RAD51B: variants seen among roughly 807,000 people sequenced by gnomAD.
RAD51B encodes RAD51 paralog B, also known as DNA repair protein RAD51 homolog 2.
A neutral mutation model predicts 42.2 loss-of-function variants in RAD51B; 38 were observed. The ratio of observed to expected loss-of-function variants is 0.90; its 90% CI spans 0.70 to 1.18. The LOEUF (loss-of-function observed/expected upper bound fraction) is 1.18, where lower values mean the gene tolerates loss of function less well. Among genes scored for constraint, RAD51B ranks in the 50% most tolerant of loss-of-function variants. The pLI is 0.00. For synonymous variants in RAD51B, 154 were observed against 145.2 expected, an observed-to-expected ratio of 1.06 and a Z score of -0.43; for missense variants, 373 against 400.7, an observed-to-expected ratio of 0.93 and a Z score of 0.59.
At chr14:67,891,570 A>C (rs534221820) in intron 7 of RAD51B, among the ~76,000 whole-genome samples, 1 of 152,184 alleles carries the variant, frequency 6.6e-6, no homozygotes, top group East Asian at 1.9e-4. Context: ...AACAAGGTTA[A>C]ATTTTTTATT....
intron 10 of RAD51B, among the ~76,000 whole-genome samples, chr14:68,579,398 C>T (rs2140055683): frequency 6.6e-6 from 1 of 152,312 alleles, no homozygotes; most frequent in South Asian, 2.1e-4. Context: ...AGATCAAAGG[C>T]ATAGCAGCAG....
chr14:67,891,482 T>A (rs2043217368), intron 7 of RAD51B, among the ~76,000 whole-genome samples: 1 of 152,120 alleles, frequency 6.6e-6, no homozygotes, highest in Non-Finnish European at 1.5e-5. Flanking sequence ...ATGTGCATTT[T>A]AAATTTTGCT....
chr14:68,402,799 GTTTTT>G (rs760937567), intron 8 of RAD51B, among the ~76,000 whole-genome samples: 5 of 152,178 alleles, frequency 3.3e-5, no homozygotes, highest in Non-Finnish European at 5.9e-5. Context: ...AAGACTCAAA[GTTTTT>G]TAATAAGGCA....
At chr14:68,076,224 T>C (rs962414081) in intron 7 of RAD51B, among the ~76,000 whole-genome samples, 1 of 152,206 alleles carries the variant, frequency 6.6e-6, no homozygotes, top group African/African-American at 2.4e-5. Context: ...TCCAGAAATA[T>C]TCTGTTGGCC....
intron 10 of RAD51B, among the ~76,000 whole-genome samples, chr14:68,537,572 T>C (rs1336421018): frequency 6.6e-6 from 1 of 151,960 alleles, no homozygotes; most frequent in Non-Finnish European, 1.5e-5. Context: ...CTCTGCAATA[T>C]CCTTTTAAGA....
At chr14:68,178,449 C>A (rs769447067) in intron 7 of RAD51B, among the ~76,000 whole-genome samples, 18 of 152,194 alleles carry the variant, frequency 1.2e-4, no homozygotes, top group Non-Finnish European at 2.4e-4. Flanking sequence ...GGGTTCCCTA[C>A]TTGACAGTAA....
intron 7 of RAD51B, among the ~76,000 whole-genome samples, chr14:67,951,875 T>C (rs929430311): frequency 6.6e-6 from 1 of 152,206 alleles, no homozygotes; most frequent in African/African-American, 2.4e-5. Context: ...GAAATCATTT[T>C]CTAGCATATG....
chr14:68,034,119 G>T (rs1949087770), intron 7 of RAD51B, among the ~76,000 whole-genome samples: 1 of 151,906 alleles, frequency 6.6e-6, no homozygotes, highest in African/African-American at 2.4e-5. Flanking sequence ...TCATTTTTTT[G>T]GTGCACCTTG....
At chr14:68,036,312 A>G (rs2076121505) in intron 7 of RAD51B, among the ~76,000 whole-genome samples, 1 of 152,212 alleles carries the variant, frequency 6.6e-6, no homozygotes, top group South Asian at 2.1e-4. Context: ...AGGCAGAAAC[A>G]TCTCCTAATT....
Position 67,984,372 on chromosome 14 carries a change from CATTGTTGGTTT to C in RAD51B, c.756+97169_756+97179del, listed in dbSNP as rs939917714. Among the ~76,000 whole-genome samples, 4 of 152,264 alleles carry C rather than the reference CATTGTTGGTTT, an allele frequency of 2.6e-5. No homozygotes were observed. In the East Asian group the frequency reaches 5.8e-4, roughly 22 times the overall value. ...ACTGCCACATACTGATTGTTGTAAA[CATTGTTGGTTT>C]CAAGACACTTTCTTATTTTAACCCT... On this transcript the variant is annotated intron_variant, in intron 7 of 10. Coordinates refer to ENST00000471583, the MANE Select transcript of RAD51B (RefSeq NM_133510.4).
At chr14:68,344,570 C>G (rs574921920) in intron 8 of RAD51B, among the ~76,000 whole-genome samples, 33 of 151,668 alleles carry the variant, frequency 2.2e-4, no homozygotes, top group Admixed American at 1.9e-3. Flanking sequence ...TGGCGTGAAC[C>G]TGGGAGGCGG....
intron 8 of RAD51B, among the ~76,000 whole-genome samples, chr14:68,332,395 C>T (rs1595718043): frequency 6.6e-6 from 1 of 152,098 alleles, no homozygotes; most frequent in South Asian, 2.1e-4. Context: ...AATCAAAATA[C>T]AATTCATTTT....
chr14:68,422,467 A>G (rs771928167), intron 9 of RAD51B, among the ~76,000 whole-genome samples: 3 of 149,238 alleles, frequency 2.0e-5, no homozygotes, highest in Non-Finnish European at 4.4e-5. Flanking sequence ...AGGCTGAGGC[A>G]GGGAATTGCT....
At chr14:68,208,246 A>G (rs2079634676) in intron 7 of RAD51B, among the ~76,000 whole-genome samples, 2 of 152,196 alleles carry the variant, frequency 1.3e-5, no homozygotes, top group South Asian at 2.1e-4. Flanking sequence ...TTACCTGACC[A>G]AGAGAGTCCC....
intron 7 of RAD51B, among the ~76,000 whole-genome samples, chr14:68,221,055 TGG>T (rs2079916319): frequency 6.6e-6 from 1 of 152,130 alleles, no homozygotes; most frequent in South Asian, 2.1e-4. Context: ...CACTTGAACC[TGG>T]GAGGCAGAGG....
chr14:68,338,311 G>A (rs962409406), intron 8 of RAD51B, among the ~76,000 whole-genome samples: 1 of 151,632 alleles, frequency 6.6e-6, no homozygotes, highest in Non-Finnish European at 1.5e-5. Flanking sequence ...CTCCCTTCAG[G>A]GGCTTGTGGA....
intron 4 of RAD51B, among the ~76,000 whole-genome samples, chr14:67,861,359 C>G (rs1051053819): frequency 6.6e-6 from 1 of 151,986 alleles, no homozygotes; most frequent in South Asian, 2.1e-4. Context: ...GATGGGTTAG[C>G]TGGGCATGGT....
chr14:67,820,972 C>A (rs1388372535), intron 1 of RAD51B, among the ~76,000 whole-genome samples: 2 of 152,080 alleles, frequency 1.3e-5, no homozygotes, highest in Non-Finnish European at 2.9e-5. Context: ...AGTGAGGGAC[C>A]AATTTTTGAT....
At position 67,869,145 on chromosome 14, in the gene RAD51B, G is replaced by A. The variant is rs1038135621; in HGVS notation, c.452+4006G>A. Among the ~76,000 whole-genome samples, 61 of 152,194 alleles carry A rather than the reference G, an allele frequency of 4.0e-4. 1 individual carries two copies. Among genetic ancestry groups the A allele is most frequent in the East Asian group, 2.9e-3 (15 of 5,176 alleles). Reference sequence around the variant, plus strand: ...AGATGATCAAATTACTCCGAGCTACGGGAGGACATTCAAACCAAAGGCAAA... The same window carrying A: ...AGATGATCAAATTACTCCGAGCTACAGGAGGACATTCAAACCAAAGGCAAA... On this transcript the variant is annotated intron_variant, in intron 5 of 10. Coordinates refer to ENST00000471583, the MANE Select transcript of RAD51B (RefSeq NM_133510.4).
Sources: allele counts gnomAD v4.1 joint callset (sites outside exome capture counted in the v4.1 genomes callset), GRCh38; gene constraint gnomAD v4.1.1; transcripts MANE v1.5; gene names NCBI Gene and HGNC (gene_info 2026-07-23, HGNC 2026-07-21).